Variants in MOCOS observed in about 807,000 individuals in gnomAD.
MOCOS encodes molybdenum cofactor sulfurase.
MOCOS carries 86 observed loss-of-function variants against 83.6 expected under a neutral mutation model. The ratio of observed to expected loss-of-function variants is 1.03; its 90% confidence interval spans 0.86 to 1.23. The LOEUF (loss-of-function observed/expected upper bound fraction) is 1.23, where lower values mean the gene tolerates loss of function less well. MOCOS is among the 50% of genes most tolerant of loss of function. The pLI is 0.00. For missense variants in MOCOS, 1,120 were observed against 1,126.9 expected (o/e 0.99, Z 0.09); for synonymous variants, 445 against 434.7 (o/e 1.02, Z -0.29).
chr18:36,249,060 A>C (rs2091612940), intron 10 of MOCOS, 60 bp downstream of exon 10: 2 of 1,401,084 alleles, frequency 1.4e-6, no homozygotes, highest in Non-Finnish European at 2.0e-6. Context: ...CAGAGGGGGA[A>C]GAGGGTAATG....
Position 36,272,116 on chromosome 18 carries a change from C to T in MOCOS, c.*3431C>T, listed in dbSNP as rs2091701505. 2 of 152,086 alleles carry T rather than the reference C, an allele frequency of 1.3e-5. No individual in the cohort carries two copies. The highest frequency in any genetic ancestry group is 6.5e-5 in the Admixed American group (1 of 15,274). 9.4% of individuals were successfully genotyped at this position (152,086 alleles called of 1,614,324 possible). A position where few individuals can be genotyped will look rare whatever the true frequency, so the allele number is the denominator to read the frequency against. On this transcript the variant is annotated 3_prime_UTR_variant, in exon 15 of 15. Coordinates refer to ENST00000261326, the MANE Select transcript of MOCOS (RefSeq NM_017947.4). ...TATTATTCTTTATTTTTTTGTATGA[C>T]TTATGATATTCATGATAATTAAAAC...
intron 13 of MOCOS, among the ~76,000 whole-genome samples, chr18:36,266,139 G>C (rs1038663076): frequency 6.6e-6 from 1 of 151,916 alleles, no homozygotes; most frequent in Non-Finnish European, 1.5e-5. Context: ...CTGGCTCTGC[G>C]ACCTCCTCCT....
At chr18:36,228,395 A>G (rs2091525573) in intron 9 of MOCOS, among the ~76,000 whole-genome samples, 1 of 152,192 alleles carries the variant, frequency 6.6e-6, no homozygotes, top group African/African-American at 2.4e-5. Flanking sequence ...TACATTTGTG[A>G]CACAATTCAC....
chr18:36,242,497 C>G (rs760216185), intron 9 of MOCOS, among the ~76,000 whole-genome samples: 1 of 152,242 alleles, frequency 6.6e-6, no homozygotes, highest in African/African-American at 2.4e-5. Context: ...GTTCCAAAGT[C>G]TCTTCCACAT....
intron 8 of MOCOS, among the ~76,000 whole-genome samples, chr18:36,217,884 C>T (rs2091481046): frequency 6.6e-6 from 1 of 152,188 alleles, no homozygotes; most frequent in Admixed American, 6.5e-5. Context: ...TGTGAGGATG[C>T]TGCAGCCTTT....
Position 36,200,056 on chromosome 18 carries a change from C to T in MOCOS, c.673C>T (p.His225Tyr), listed in dbSNP as rs533326490. 1.4e-5 allele frequency: 23 copies of T among 1,614,070 alleles called. No individual in the cohort carries two copies. Among genetic ancestry groups the T allele is most frequent in the Middle Eastern group, 1.6e-4 (1 of 6,084 alleles). The change falls in exon 4 of 15, where the codon CAC (histidine) becomes TAC (tyrosine). Residue 225 changes from histidine to tyrosine, a missense_variant. Coordinates refer to ENST00000261326, the MANE Select transcript of MOCOS (RefSeq NM_017947.4). ...AGAAGAGGTCAAGTCTGGGCGGTTG[C>T]ACCCTGTGAGCACGCCTGGGAAGTG... is the stretch of plus-strand genomic sequence containing the variant. ...WIEEVKSGRL[H>Y]PVSTPGKWFV...
At position 36,213,424 on chromosome 18, in the gene MOCOS, C is replaced by A; in HGVS notation, c.1277C>A (p.Thr426Asn). 6.2e-7 allele frequency: 1 copy of A among 1,614,130 alleles called. No homozygotes were observed. Among genetic ancestry groups the A allele is most frequent in the Non-Finnish European group, 8.5e-7 (1 of 1,180,032 alleles). Reference protein sequence around the residue: ...IHLRTGCFCNTGACQRHLGIS... With the variant: ...IHLRTGCFCNNGACQRHLGIS... ...CTGCGAACTGGCTGCTTCTGTAACACTGGGGCCTGCCAGAGGCACCTGGGC... is the reference window on the plus strand; with the variant it reads ...CTGCGAACTGGCTGCTTCTGTAACAATGGGGCCTGCCAGAGGCACCTGGGC... The change falls in exon 7 of 15, where the codon ACT (threonine) becomes AAT (asparagine). Residue 426 changes from threonine (T) to asparagine (N), a missense_variant. Coordinates refer to ENST00000261326, the MANE Select transcript of MOCOS (RefSeq NM_017947.4).
chr18:36,205,025 TGA>T, intron 5 of MOCOS, 50 bp from the exon 6 acceptor site: 1 of 1,127,446 alleles, frequency 8.9e-7, no homozygotes, highest in Non-Finnish European at 1.3e-6. Flanking sequence ...AAGAGTGAAT[TGA>T]GAATTTACAT....
In MOCOS at chr18:36,215,561, C is replaced by G; in HGVS notation, c.1381C>G (p.Pro461Ala). The change falls in exon 8 of 15, where the codon CCC (proline) becomes GCC (alanine). Residue 461 changes from proline to alanine, a missense_variant. Coordinates refer to ENST00000261326, the MANE Select transcript of MOCOS (RefSeq NM_017947.4). The stretch of plus-strand genomic sequence containing the variant: ...CAATATGGACCTCATAGATGGGCAG[C>G]CCACAGGATCTGTGAGGATTTCATT... ...GDNMDLIDGQ[P>A]TGSVRISFGY... 1 of 1,614,164 alleles carries G rather than the reference C, an allele frequency of 6.2e-7. No individual in the cohort carries two copies. Among genetic ancestry groups the G allele is most frequent in the Non-Finnish European group, 8.5e-7 (1 of 1,180,028 alleles).
chr18:36,227,895 C>A, intron 9 of MOCOS, among the ~76,000 whole-genome samples: 1 of 152,224 alleles, frequency 6.6e-6, no homozygotes, highest in Admixed American at 6.5e-5. Flanking sequence ...ACAGAGTAAA[C>A]AGACAGCCTA....
chr18:36,205,362 C>G, intron 6 of MOCOS, 86 bp downstream of exon 6: 1 of 1,398,030 alleles, frequency 7.2e-7, no homozygotes, highest in Non-Finnish European at 1.0e-6. Context: ...AGTCCATGCA[C>G]TGTTGAAGAG....
chr18:36,229,956 G>T (rs1436981556), intron 9 of MOCOS, among the ~76,000 whole-genome samples: 1 of 151,956 alleles, frequency 6.6e-6, no homozygotes, highest in Non-Finnish European at 1.5e-5. Flanking sequence ...TAAACTCTCT[G>T]TCAGGTAAAC....
intron 13 of MOCOS, among the ~76,000 whole-genome samples, chr18:36,263,618 T>C (rs1230055794): frequency 2.6e-5 from 4 of 152,072 alleles, no homozygotes; most frequent in Non-Finnish European, 5.9e-5. Flanking sequence ...CTGGGATGGT[T>C]TGGATGTCCT....
intron 1 of MOCOS, among the ~76,000 whole-genome samples, chr18:36,189,492 C>T (rs2091356661): frequency 6.6e-6 from 1 of 152,130 alleles, no homozygotes; most frequent in Admixed American, 6.5e-5. Context: ...ACCTCTTCCT[C>T]GTTCCTCCTC....
chr18:36,213,009 C>T (rs990161060), intron 6 of MOCOS, among the ~76,000 whole-genome samples: 7 of 152,324 alleles, frequency 4.6e-5, no homozygotes, highest in East Asian at 1.9e-4. Context: ...AAAAGCAATT[C>T]TGTGATTAAA....
chr18:36,262,639 C>CTGT, intron 13 of MOCOS, among the ~76,000 whole-genome samples: 1 of 152,224 alleles, frequency 6.6e-6, no homozygotes, highest in Admixed American at 6.5e-5. Context: ...GCTGGGACTA[C>CTGT]AGGCGTGCAC....
chr18:36,267,734 A>T (rs1245791295), intron 14 of MOCOS, among the ~76,000 whole-genome samples: 2 of 152,216 alleles, frequency 1.3e-5, no homozygotes, highest in Admixed American at 1.3e-4. Context: ...GAGAAGAAAG[A>T]AGAAGGCACA....
At chr18:36,225,480 G>C (rs1568058252) in intron 9 of MOCOS, among the ~76,000 whole-genome samples, 2 of 152,150 alleles carry the variant, frequency 1.3e-5, no homozygotes, top group Admixed American at 1.3e-4. Flanking sequence ...CTAGATAAAA[G>C]CTTGTCAGTT....
intron 10 of MOCOS, among the ~76,000 whole-genome samples, chr18:36,250,338 T>C (rs1398188705): frequency 3.9e-5 from 6 of 152,214 alleles, no homozygotes; most frequent in Non-Finnish European, 2.9e-5. Context: ...CCTGAACATA[T>C]GCTGTCATGC....
Sources: gnomAD v4.1 joint callset for allele counts (sites outside exome capture counted in the v4.1 genomes callset) on GRCh38, gnomAD v4.1.1 for gene constraint, MANE v1.5 for transcripts, NCBI Gene and HGNC (gene_info 2026-07-23, HGNC 2026-07-21) for gene names.